SPATA16: variants seen among roughly 807,000 people sequenced by gnomAD.
The protein encoded by SPATA16 is spermatogenesis-associated protein 16.
In SPATA16, 36 loss-of-function variants were observed where a neutral mutation model predicts 63.3. The ratio of observed to expected loss-of-function variants is 0.57; its 90% CI spans 0.44 to 0.75. The LOEUF (loss-of-function observed/expected upper bound fraction) is 0.75. Among genes scored for constraint, SPATA16 ranks in the 30% least tolerant of loss-of-function variants. SPATA16 has a pLI of 0.00. For synonymous variants in SPATA16, 203 were observed against 216.7 expected (o/e 0.94, Z 0.56); for missense variants, 646 against 679.3 (o/e 0.95, Z 0.54).
chr3:172,933,164 A>G (rs1180594366), intron 6 of SPATA16, among the ~76,000 whole-genome samples: 2 of 152,216 alleles, frequency 1.3e-5, no homozygotes, highest in East Asian at 3.8e-4. Flanking sequence ...TTAAATACAA[A>G]CATTAAAGAT....
intron 2 of SPATA16, among the ~76,000 whole-genome samples, chr3:173,092,050 A>G (rs774972814): frequency 7.2e-5 from 11 of 152,074 alleles, no homozygotes; most frequent in Non-Finnish European, 1.3e-4. Flanking sequence ...CTCCTGCACA[A>G]TCCTTGTTGT....
chr3:172,919,654 A>G (rs369616329), intron 8 of SPATA16, among the ~76,000 whole-genome samples: 2 of 151,838 alleles, frequency 1.3e-5, no homozygotes, highest in African/African-American at 4.8e-5. Flanking sequence ...TGTACATTAT[A>G]TGTTCATTTT....
intron 1 of SPATA16, among the ~76,000 whole-genome samples, chr3:173,120,637 CATATAA>C (rs1352491898): frequency 2.6e-5 from 4 of 152,196 alleles, no homozygotes; most frequent in African/African-American, 9.7e-5. Context: ...CTCTTTAACA[CATATAA>C]ATGCATAAAG....
At chr3:173,047,887 G>A (rs552717196) in intron 3 of SPATA16, among the ~76,000 whole-genome samples, 5 of 152,092 alleles carry the variant, frequency 3.3e-5, no homozygotes, top group African/African-American at 1.2e-4. Context: ...GTTGTCTTGT[G>A]AATTTCAAAG....
At chr3:173,056,915 AT>A (rs143093344) in intron 2 of SPATA16, among the ~76,000 whole-genome samples, 3 of 151,654 alleles carry the variant, frequency 2.0e-5, no homozygotes, top group South Asian at 4.2e-4. Context: ...AATGTGTACT[AT>A]TTTTTTCTTT....
intron 4 of SPATA16, among the ~76,000 whole-genome samples, chr3:172,981,594 ACT>A (rs1449698432): frequency 7.2e-5 from 11 of 151,730 alleles, no homozygotes; most frequent in African/African-American, 2.7e-4. Context: ...CATTCTTATG[ACT>A]CTCTTGCTCA....
chr3:173,130,952 C>T lies in SPATA16; in HGVS notation c.-19+10151G>A, dbSNP rs377323162. Reference sequence around the variant, plus strand: ...ATTTGTCTGTGAGAAAAATTAACTTCGGAATTAAGATAGAGGAAATGTCAA... The same window carrying T: ...ATTTGTCTGTGAGAAAAATTAACTTTGGAATTAAGATAGAGGAAATGTCAA... On this transcript the variant is annotated intron_variant, in intron 1 of 10. Transcript: ENST00000351008. Among the ~76,000 whole-genome samples the T allele has an allele frequency of 9.2e-5, 14 of 152,150 alleles. 1 individual carries two copies. The highest frequency in any genetic ancestry group is 2.6e-4 in the Admixed American group (4 of 15,292).
chr3:172,982,455 T>C (rs1474375396), intron 4 of SPATA16, among the ~76,000 whole-genome samples: 1 of 152,236 alleles, frequency 6.6e-6, no homozygotes, highest in Non-Finnish European at 1.5e-5. Flanking sequence ...ATTTTTTACA[T>C]GATGCCTTCA....
intron 2 of SPATA16, among the ~76,000 whole-genome samples, chr3:173,069,126 AG>A (rs1163027095): frequency 4.2e-4 from 63 of 150,894 alleles, no homozygotes; most frequent in African/African-American, 2.4e-4. Context: ...AAAAAAAAAA[AG>A]AAAGAAAGAA....
chr3:173,126,906 T>G (rs1023510531), intron 1 of SPATA16, among the ~76,000 whole-genome samples: 1 of 152,228 alleles, frequency 6.6e-6, no homozygotes, highest in African/African-American at 2.4e-5. Flanking sequence ...TTCAGTGCTT[T>G]GTTTGCAGAG....
chr3:172,932,640 A>T (rs1732898108), intron 6 of SPATA16, among the ~76,000 whole-genome samples: 1 of 152,158 alleles, frequency 6.6e-6, no homozygotes. Context: ...AAATAGCAAA[A>T]GGTGGCAACT....
chr3:172,936,345 C>G (rs1370138120), intron 6 of SPATA16, among the ~76,000 whole-genome samples: 6 of 152,182 alleles, frequency 3.9e-5, no homozygotes, highest in African/African-American at 1.4e-4. Flanking sequence ...TTCTCAACAG[C>G]AGGGCTTGGA....
At chr3:172,899,857 G>A (rs1339225407) in intron 10 of SPATA16, among the ~76,000 whole-genome samples, 6 of 152,006 alleles carry the variant, frequency 3.9e-5, no homozygotes, top group Non-Finnish European at 7.4e-5. Context: ...TAAATTTGAA[G>A]TATAGAATCA....
chr3:173,117,773 G>A (rs2108337493), intron 1 of SPATA16, 24 bp from the exon 2 acceptor site: 12 of 1,613,796 alleles, frequency 7.4e-6, no homozygotes, highest in Middle Eastern at 3.3e-4. Flanking sequence ...AAAAAGGAAA[G>A]TAATTAAGGC....
chr3:172,979,067 C>T (rs1019648232), intron 4 of SPATA16, among the ~76,000 whole-genome samples: 1 of 152,084 alleles, frequency 6.6e-6, no homozygotes, highest in Non-Finnish European at 1.5e-5. Context: ...GAAACCCCAT[C>T]TCTACTAAAA....
chr3:172,892,880 G>A (rs1039138284), intron 10 of SPATA16, among the ~76,000 whole-genome samples: 1 of 152,124 alleles, frequency 6.6e-6, no homozygotes, highest in Non-Finnish European at 1.5e-5. Flanking sequence ...TTGAAAAATG[G>A]GCAGATAACT....
At chr3:173,049,682 T>C (rs1441195072) in intron 2 of SPATA16, among the ~76,000 whole-genome samples, 2 of 152,192 alleles carry the variant, frequency 1.3e-5, no homozygotes, top group African/African-American at 2.4e-5. Flanking sequence ...TAGAATTTAT[T>C]GGCAGAGGAC....
intron 2 of SPATA16, among the ~76,000 whole-genome samples, chr3:173,049,993 T>C (rs1394178445): frequency 6.6e-6 from 1 of 152,096 alleles, no homozygotes; most frequent in African/African-American, 2.4e-5. Context: ...ATGCATATAC[T>C]GGGGGAAATT....
chr3:173,110,487 A>G (rs1737722899), intron 2 of SPATA16, among the ~76,000 whole-genome samples: 1 of 152,226 alleles, frequency 6.6e-6, no homozygotes, highest in South Asian at 2.1e-4. Context: ...TGGTAAACAC[A>G]TAGTTGGGCA....
Sources: gnomAD v4.1 joint callset for allele counts (sites outside exome capture counted in the v4.1 genomes callset) on GRCh38, gnomAD v4.1.1 for gene constraint, MANE v1.5 for transcripts, NCBI Gene and HGNC (gene_info 2026-07-23, HGNC 2026-07-21) for gene names.